AGAP1: variants seen among roughly 807,000 people sequenced by gnomAD.
AGAP1 encodes arf-GAP with GTPase, ANK repeat and PH domain-containing protein 1.
AGAP1 carries 29 observed loss-of-function variants against 105.3 expected under a neutral mutation model. The ratio of observed to expected loss-of-function variants is 0.28; its 90% CI spans 0.21 to 0.38. The LOEUF (loss-of-function observed/expected upper bound fraction) is 0.38. Among genes scored for constraint, AGAP1 ranks in the 10% least tolerant of loss-of-function variants. The pLI is 1.00. For synonymous variants in AGAP1, 509 were observed against 485.9 expected (o/e 1.05, Z -0.63); for missense variants, 998 against 1,165.1 (o/e 0.86, Z 2.09).
intron 1 of AGAP1, among the ~76,000 whole-genome samples, chr2:235,693,284 C>T (rs1467509075): frequency 6.6e-6 from 1 of 152,144 alleles, no homozygotes; most frequent in Non-Finnish European, 1.5e-5. Context: ...GCCTTAGGAG[C>T]TGGGGTAGTA....
intron 17 of AGAP1, among the ~76,000 whole-genome samples, chr2:236,122,018 C>T (rs896157559): frequency 2.7e-5 from 4 of 150,830 alleles, no homozygotes; most frequent in Non-Finnish European, 5.9e-5. Context: ...GTGGCACAAT[C>T]ATAGCCCACT....
chr2:235,997,095 TTTG>T (rs774567944), intron 13 of AGAP1, among the ~76,000 whole-genome samples: 5 of 152,194 alleles, frequency 3.3e-5, no homozygotes, highest in Admixed American at 2.0e-4. Context: ...GAAGATCTTT[TTTG>T]TTGTTGTTGT....
intron 3 of AGAP1, chr2:235,718,299 C>T (rs1370256768): frequency 1.2e-5 from 11 of 884,862 alleles, no homozygotes; most frequent in South Asian, 1.0e-4. Context: ...ATTTTCTCTC[C>T]GTGTAACTTT....
intron 1 of AGAP1, among the ~76,000 whole-genome samples, chr2:235,703,367 C>CGAT (rs1409635953): frequency 6.6e-6 from 1 of 152,138 alleles, no homozygotes; most frequent in Non-Finnish European, 1.5e-5. Context: ...GGAGCATCCT[C>CGAT]CCCCGGCTGT....
At position 235,961,100 on chromosome 2, in the gene AGAP1, G is replaced by A. The variant is rs865798379; in HGVS notation, c.1484-7362G>A. ...ATGTGTGCTGGTGAAGAGGATGAGCGAAGGCCTGCCTTCCTGAAGCTCGAG... is the reference window on the plus strand; with the variant it reads ...ATGTGTGCTGGTGAAGAGGATGAGCAAAGGCCTGCCTTCCTGAAGCTCGAG... On this transcript the variant is annotated intron_variant, in intron 12 of 17. Coordinates refer to ENST00000304032, the MANE Select transcript of AGAP1 (RefSeq NM_001037131.3). This position sits in a 1 kb window ranked among gnomAD's most constrained non-coding sequence, Gnocchi z 5.9. Among the ~76,000 whole-genome samples the A allele has an allele frequency of 3.9e-5, 6 of 152,222 alleles. No individual in the cohort carries two copies. The highest frequency in any genetic ancestry group is 3.9e-4 in the East Asian group (2 of 5,190).
In AGAP1 at chr2:235,753,670, C is replaced by T. The variant is rs976043057; in HGVS notation, c.673+3182C>T. Among the ~76,000 whole-genome samples, 10 of 151,392 alleles carry T rather than the reference C, an allele frequency of 6.6e-5. No individual in the cohort carries two copies. Among genetic ancestry groups the T allele is most frequent in the South Asian group, 2.1e-4 (1 of 4,786 alleles). On this transcript the variant is annotated intron_variant, in intron 6 of 17. Transcript: ENST00000304032. This position sits in a 1 kb window ranked among gnomAD's most constrained non-coding sequence, Gnocchi z 4.5. The stretch of plus-strand genomic sequence containing the variant: ...GCAGTCAGCTGAGATTGCACAATTG[C>T]GCTCCATCCTGGGTGACAGAGCGAG...
At position 235,891,601 on chromosome 2, in the gene AGAP1, A is replaced by G. The variant is rs550155019; in HGVS notation, c.1155+8152A>G. Among the ~76,000 whole-genome samples the G allele has an allele frequency of 1.3e-5, 2 of 152,200 alleles. No homozygotes were observed. The highest frequency in any genetic ancestry group is 2.9e-5 in the Non-Finnish European group (2 of 68,034). On this transcript the variant is annotated intron_variant, in intron 10 of 17. Coordinates refer to ENST00000304032, the MANE Select transcript of AGAP1 (RefSeq NM_001037131.3). The surrounding 1 kb of genome is among the most constrained non-coding windows in gnomAD (Gnocchi z 4.2). ...GCCACCTATTCATCTTCCATGTCGC[A>G]AGCACGGCCGTCGAGTGCAAGGCTG...
At chr2:235,966,027 G>A (rs777837266) in intron 12 of AGAP1, among the ~76,000 whole-genome samples, 4 of 149,840 alleles carry the variant, frequency 2.7e-5, no homozygotes, top group Non-Finnish European at 4.4e-5. Flanking sequence ...TGGAGGAGAG[G>A]GGAGCCTTTT....
chr2:235,995,553 A>G (rs2055774066), intron 13 of AGAP1, among the ~76,000 whole-genome samples: 1 of 152,160 alleles, frequency 6.6e-6, no homozygotes, highest in Non-Finnish European at 1.5e-5. Flanking sequence ...CTACTTAAAG[A>G]AGAAAGACCC....
chr2:236,023,061 G>C (rs377139576), intron 13 of AGAP1, among the ~76,000 whole-genome samples: 1 of 152,116 alleles, frequency 6.6e-6, no homozygotes, highest in Non-Finnish European at 1.5e-5. Flanking sequence ...ATTAAAGCCC[G>C]GGTGTGTGCG....
chr2:235,589,194 GTTTTTTTTTTT>G (rs928149334), intron 1 of AGAP1, among the ~76,000 whole-genome samples: 2,246 of 59,594 alleles, frequency 0.038, 66 homozygotes, highest in Admixed American at 0.13. Flanking sequence ...TTATTGTTTT[GTTTTTTTTTTT>G]TTTTTTTTTT....
intron 9 of AGAP1, among the ~76,000 whole-genome samples, chr2:235,822,362 G>A (rs967623680): frequency 2.0e-5 from 3 of 152,222 alleles, no homozygotes; most frequent in African/African-American, 7.2e-5. Flanking sequence ...GAAACCTAGA[G>A]GTGAGGAGGA....
chr2:235,516,480 G>C (rs1455190035), intron 1 of AGAP1, among the ~76,000 whole-genome samples: 1 of 152,148 alleles, frequency 6.6e-6, no homozygotes, highest in East Asian at 1.9e-4. Flanking sequence ...CTTTCTAGCT[G>C]TGTGCTTTCA....
chr2:235,703,223 C>T (rs1038387207), intron 1 of AGAP1, among the ~76,000 whole-genome samples: 11 of 152,032 alleles, frequency 7.2e-5, no homozygotes, highest in South Asian at 6.2e-4. Flanking sequence ...TCACCACGCC[C>T]GGCCCGAGCC....
rs73996635 is a variant in AGAP1 at position 235,931,188 on chromosome 2, C to T, written c.1483+265C>T. Among the ~76,000 whole-genome samples, 3,279 of 152,188 alleles carry T rather than the reference C, an allele frequency of 0.022. 109 individuals carry two copies. Among genetic ancestry groups the T allele is most frequent in the African/African-American group, 0.074 (3,075 of 41,512 alleles). Reference sequence around the variant, plus strand: ...CATTTGGTCAGTTTGGAAACTGAGGCGGCAGACAGGGCAACTGGCTTACCC... The same window carrying T: ...CATTTGGTCAGTTTGGAAACTGAGGTGGCAGACAGGGCAACTGGCTTACCC... On this transcript the variant is annotated intron_variant, in intron 12 of 17. Coordinates refer to ENST00000304032, the MANE Select transcript of AGAP1 (RefSeq NM_001037131.3). The surrounding 1 kb of genome is among the most constrained non-coding windows in gnomAD (Gnocchi z 5.6).
rs1351813814 is a variant in AGAP1, at chr2:236,050,160, A to T, written c.2114+879A>T. Among the ~76,000 whole-genome samples the T allele has an allele frequency of 6.6e-6, 1 of 152,226 alleles. No homozygotes were observed. The highest frequency in any genetic ancestry group is 1.5e-5 in the Non-Finnish European group (1 of 68,050). ...GTTCCTCTGATTTGTTTTGCTGCTGATCAGATAAAATGAAAGTTCAAGTGG... is the reference window on the plus strand; with the variant it reads ...GTTCCTCTGATTTGTTTTGCTGCTGTTCAGATAAAATGAAAGTTCAAGTGG... On this transcript the variant is annotated intron_variant, in intron 16 of 17. Transcript: ENST00000304032. This position sits in a 1 kb window ranked among gnomAD's most constrained non-coding sequence, Gnocchi z 4.0.
intron 10 of AGAP1, among the ~76,000 whole-genome samples, chr2:235,894,602 TAC>T (rs1053773233): frequency 4.7e-5 from 7 of 147,840 alleles, no homozygotes; most frequent in Admixed American, 4.7e-4. Context: ...CACACACACA[TAC>T]ACACACACTT....
intron 16 of AGAP1, among the ~76,000 whole-genome samples, chr2:236,106,364 C>T (rs2059490726): frequency 6.6e-6 from 1 of 152,230 alleles, no homozygotes; most frequent in Non-Finnish European, 1.5e-5. Flanking sequence ...TCACCAGAGC[C>T]GGCCTAAGGA....
intron 1 of AGAP1, among the ~76,000 whole-genome samples, chr2:235,548,583 G>A (rs957712374): frequency 7.9e-5 from 12 of 151,642 alleles, no homozygotes; most frequent in East Asian, 1.9e-4. Context: ...AACCCAGGAG[G>A]TGGAGGTTGC....
Sources: gnomAD v4.1 joint callset for allele counts (sites outside exome capture counted in the v4.1 genomes callset) on GRCh38, gnomAD v4.1.1 for gene constraint, Gnocchi (gnomAD v3.1) non-coding constraint, MANE v1.5 for transcripts, NCBI Gene and HGNC (gene_info 2026-07-23, HGNC 2026-07-21) for gene names.